Variants in KLF12 observed in about 807,000 individuals in gnomAD.
KLF12 encodes the protein KLF transcription factor 12.
KLF12 carries 9 observed loss-of-function variants against 37.8 expected under a neutral mutation model. The ratio of observed to expected loss-of-function variants is 0.24; its 90% CI spans 0.14 to 0.42. The LOEUF (loss-of-function observed/expected upper bound fraction) is 0.42, where lower values mean the gene tolerates loss of function less well. Among genes scored for constraint, KLF12 ranks in the 10% least tolerant of loss-of-function variants. The pLI, the probability that KLF12 is intolerant of heterozygous loss-of-function variation, is 1.00. For missense variants in KLF12, 411 were observed against 516.0 expected (o/e 0.80, Z 1.97); for synonymous variants, 208 against 202.1 (o/e 1.03, Z -0.25).
At chr13:74,035,141 C>A (rs1042952260) in intron 1 of KLF12, among the ~76,000 whole-genome samples, 1 of 152,296 alleles carries the variant, frequency 6.6e-6, no homozygotes, top group African/African-American at 2.4e-5. Context: ...CACCACAAAT[C>A]AAAATCCAAA....
the KLF12 span, among the ~76,000 whole-genome samples, chr13:74,196,826 G>T: frequency 6.6e-6 from 1 of 152,080 alleles, no homozygotes; most frequent in Non-Finnish European, 1.5e-5. Flanking sequence ...ATTTTTAAAA[G>T]ATACTGTAGG....
At chr13:74,089,053 G>A (rs954768012) in intron 1 of KLF12, among the ~76,000 whole-genome samples, 3 of 152,094 alleles carry the variant, frequency 2.0e-5, no homozygotes, top group African/African-American at 4.8e-5. Context: ...ATTCTGATGC[G>A]TAATTATCAA....
the KLF12 span, among the ~76,000 whole-genome samples, chr13:74,179,274 A>G: frequency 3.3e-5 from 5 of 152,202 alleles, no homozygotes; most frequent in Admixed American, 2.6e-4. Context: ...GGAGGTTGAG[A>G]GATATGCCTA....
chr13:73,787,472 GTAAAT>G (rs1321160761), intron 5 of KLF12, among the ~76,000 whole-genome samples: 1 of 152,006 alleles, frequency 6.6e-6, no homozygotes, highest in African/African-American at 2.4e-5. Context: ...TAAATAATCA[GTAAAT>G]TAATTTTTCA....
At chr13:74,045,047 A>G (rs558156144) in intron 1 of KLF12, among the ~76,000 whole-genome samples, 1 of 152,302 alleles carries the variant, frequency 6.6e-6, no homozygotes, top group South Asian at 2.1e-4. Flanking sequence ...AATAATTCCA[A>G]ATAATTTATG....
the KLF12 span, among the ~76,000 whole-genome samples, chr13:74,226,110 A>G: frequency 6.6e-6 from 1 of 151,942 alleles, no homozygotes; most frequent in Non-Finnish European, 1.5e-5. Flanking sequence ...AGCTTTTTTT[A>G]AAGGAAGTTA....
rs552932748 is a variant in KLF12 at position 73,760,516 on chromosome 13, G to A, written c.869+4422C>T. On this transcript the variant is annotated intron_variant, in intron 6 of 7. Transcript: ENST00000377669. ...AGGAAATAAAAAATAGTGAGCTGGC[G>A]TCTCACTATGTTGCCCAGCTGGTCT... Among the ~76,000 whole-genome samples, 8 of 151,908 alleles carry A rather than the reference G, an allele frequency of 5.3e-5. No homozygotes were observed. In the East Asian group the frequency reaches 9.7e-4, roughly 18 times the overall value.
chr13:73,745,811 G>A (rs1878322146), intron 6 of KLF12, among the ~76,000 whole-genome samples: 1 of 152,186 alleles, frequency 6.6e-6, no homozygotes, highest in African/African-American at 2.4e-5. Flanking sequence ...ATACCCACCA[G>A]TTTGAAAGCA....
At chr13:74,262,205 T>C in the KLF12 span, among the ~76,000 whole-genome samples, 1 of 152,158 alleles carries the variant, frequency 6.6e-6, no homozygotes, top group African/African-American at 2.4e-5. Context: ...TCAAGTAGAA[T>C]TGAACAAATG....
intron 3 of KLF12, among the ~76,000 whole-genome samples, chr13:73,883,794 T>G (rs923051944): frequency 6.6e-6 from 1 of 152,190 alleles, no homozygotes; most frequent in Non-Finnish European, 1.5e-5. Flanking sequence ...AATAATTAAC[T>G]CATATTTTAA....
intron 1 of KLF12, among the ~76,000 whole-genome samples, chr13:74,040,426 T>C (rs1893370539): frequency 6.6e-6 from 1 of 152,164 alleles, no homozygotes; most frequent in African/African-American, 2.4e-5. Context: ...GTGGATGCAC[T>C]GGCCATCTGC....
At chr13:74,005,705 T>C (rs1264226671) in intron 1 of KLF12, among the ~76,000 whole-genome samples, 4 of 152,318 alleles carry the variant, frequency 2.6e-5, no homozygotes, top group South Asian at 2.1e-4. Flanking sequence ...AGCATCTAAA[T>C]GAATACAAGA....
intron 1 of KLF12, among the ~76,000 whole-genome samples, chr13:74,115,889 G>C (rs1341530024): frequency 1.3e-5 from 2 of 152,008 alleles, no homozygotes; most frequent in Non-Finnish European, 2.9e-5. Flanking sequence ...GAGAAATCCA[G>C]GATGTTCTCA....
intron 1 of KLF12, among the ~76,000 whole-genome samples, chr13:74,010,700 C>T (rs1298084158): frequency 1.3e-5 from 2 of 151,940 alleles, no homozygotes; most frequent in East Asian, 1.9e-4. Context: ...AGAAGCTGCT[C>T]GTGTCTAACA....
chr13:74,037,083 A>C (rs1424583068), intron 1 of KLF12, among the ~76,000 whole-genome samples: 5 of 151,890 alleles, frequency 3.3e-5, no homozygotes, highest in Admixed American at 1.3e-4. Context: ...GGGCGCCTGT[A>C]ATCTCAGCTA....
the KLF12 span, among the ~76,000 whole-genome samples, chr13:74,293,912 C>G: frequency 6.6e-6 from 1 of 152,208 alleles, no homozygotes; most frequent in African/African-American, 2.4e-5. Flanking sequence ...GATTGAAATT[C>G]TGAATGTACA....
chr13:73,828,467 C>T (rs796815642), intron 4 of KLF12, among the ~76,000 whole-genome samples: 1 of 152,090 alleles, frequency 6.6e-6, no homozygotes, highest in East Asian at 1.9e-4. Context: ...AGCTTTTCTA[C>T]TTGTGCCAGA....
chr13:73,810,020 C>T (rs556758282), intron 5 of KLF12, among the ~76,000 whole-genome samples: 35 of 152,214 alleles, frequency 2.3e-4, no homozygotes, highest in South Asian at 1.0e-3. Context: ...CCAAGGCAGG[C>T]GGATCACTTA....
intron 3 of KLF12, among the ~76,000 whole-genome samples, chr13:73,858,623 T>C (rs9543477): frequency 0.32 from 48,162 of 152,090 alleles, 8,890 homozygotes; most frequent in Non-Finnish European, 0.42. Context: ...ATCATTACTA[T>C]ATAATCAACA....
Sources: gnomAD v4.1 joint callset for allele counts (sites outside exome capture counted in the v4.1 genomes callset) on GRCh38, gnomAD v4.1.1 for gene constraint, MANE v1.5 for transcripts, NCBI Gene and HGNC (gene_info 2026-07-23, HGNC 2026-07-21) for gene names.